PDGFC: variants seen among roughly 807,000 people sequenced by gnomAD.
PDGFC encodes platelet-derived growth factor C.
PDGFC carries 12 observed loss-of-function variants against 35.5 expected under a neutral mutation model. The ratio of observed to expected loss-of-function variants is 0.34; its 90% CI spans 0.22 to 0.55. The LOEUF is 0.55. PDGFC is among the 20% of genes least tolerant of loss of function. The pLI, the probability that PDGFC is intolerant of heterozygous loss-of-function variation, is 0.91. For synonymous variants in PDGFC, 159 were observed against 148.8 expected (o/e 1.07, Z -0.50); for missense variants, 322 against 412.4 (o/e 0.78, Z 1.90).
intron 1 of PDGFC, among the ~76,000 whole-genome samples, chr4:156,857,490 A>C (rs1457491892): frequency 2.6e-5 from 4 of 152,108 alleles, no homozygotes; most frequent in Non-Finnish European, 4.4e-5. Flanking sequence ...AACACTTTGA[A>C]GTTCTCATGA....
chr4:156,871,585 T>C (rs1030116230), intron 1 of PDGFC, among the ~76,000 whole-genome samples: 12 of 152,134 alleles, frequency 7.9e-5, no homozygotes, highest in African/African-American at 2.9e-4. Context: ...TTTTTATACA[T>C]AAACTAAATA....
chr4:156,936,402 AAAG>A (rs1219117576), intron 1 of PDGFC, among the ~76,000 whole-genome samples: 1 of 152,162 alleles, frequency 6.6e-6, no homozygotes, highest in Non-Finnish European at 1.5e-5. Flanking sequence ...ATTCCTAACC[AAAG>A]GAGAGGGAAG....
intron 1 of PDGFC, among the ~76,000 whole-genome samples, chr4:156,941,557 T>G (rs992447605): frequency 6.6e-6 from 1 of 152,206 alleles, no homozygotes; most frequent in East Asian, 1.9e-4. Context: ...AATAATGTTA[T>G]TGTAATCAAT....
At chr4:156,873,862 G>A (rs1389187819) in intron 1 of PDGFC, 4 of 152,198 alleles carry the variant, frequency 2.6e-5, no homozygotes, top group African/African-American at 9.6e-5. Context: ...TCAGCTTTGA[G>A]TAAATGACAG....
At chr4:156,962,041 C>T (rs1560892613) in intron 1 of PDGFC, among the ~76,000 whole-genome samples, 2 of 152,090 alleles carry the variant, frequency 1.3e-5, no homozygotes, top group East Asian at 1.9e-4. Context: ...TCACTGCCTG[C>T]CTGCTGAGAA....
At chr4:156,800,613 G>GT (rs1303295381) in intron 3 of PDGFC, among the ~76,000 whole-genome samples, 1 of 152,108 alleles carries the variant, frequency 6.6e-6, no homozygotes, top group Non-Finnish European at 1.5e-5. Flanking sequence ...GGATCATATG[G>GT]TAAGTCATTT....
At chr4:156,798,220 A>C (rs1731503319) in intron 3 of PDGFC, among the ~76,000 whole-genome samples, 2 of 152,190 alleles carry the variant, frequency 1.3e-5, no homozygotes, top group Admixed American at 1.3e-4. Flanking sequence ...AACAAAAACA[A>C]AACAACAACA....
intron 1 of PDGFC, among the ~76,000 whole-genome samples, chr4:156,864,494 G>A (rs1729788014): frequency 6.6e-6 from 1 of 151,990 alleles, no homozygotes. Context: ...CATTTTCTTG[G>A]CTTGACTTGG....
intron 1 of PDGFC, among the ~76,000 whole-genome samples, chr4:156,859,642 A>T (rs2111109151): frequency 1.3e-5 from 2 of 152,082 alleles, no homozygotes; most frequent in South Asian, 4.1e-4. Context: ...TTACCTCCCT[A>T]CCCCACACTC....
At chr4:156,913,586 CTT>C (rs776681511) in intron 1 of PDGFC, among the ~76,000 whole-genome samples, 58 of 152,316 alleles carry the variant, frequency 3.8e-4, no homozygotes, top group Admixed American at 1.7e-3. Context: ...CCCTCCCTCT[CTT>C]GAGGCTTCGC....
chr4:156,847,073 G>A (rs1201904564), intron 2 of PDGFC, among the ~76,000 whole-genome samples: 2 of 151,404 alleles, frequency 1.3e-5, no homozygotes, highest in Non-Finnish European at 3.0e-5. Context: ...AAAAAAGGAA[G>A]GACAGACAAA....
At chr4:156,855,318 CGAG>C (rs1212397866) in intron 1 of PDGFC, among the ~76,000 whole-genome samples, 1 of 152,112 alleles carries the variant, frequency 6.6e-6, no homozygotes, top group Non-Finnish European at 1.5e-5. Flanking sequence ...ATAACACTAA[CGAG>C]GAAGTTTCTG....
chr4:156,798,827 C>G (rs1731518555), intron 3 of PDGFC, among the ~76,000 whole-genome samples: 1 of 152,134 alleles, frequency 6.6e-6, no homozygotes, highest in Non-Finnish European at 1.5e-5. Context: ...TTGTACCCAG[C>G]AGAAAAGTGC....
intron 1 of PDGFC, among the ~76,000 whole-genome samples, chr4:156,898,925 G>A (rs1730698817): frequency 6.6e-6 from 1 of 152,200 alleles, no homozygotes; most frequent in Non-Finnish European, 1.5e-5. Context: ...CCAGTGTGCT[G>A]GGATTACAGG....
In PDGFC at chr4:156,776,397, C is replaced by T. The variant is rs1730830331; in HGVS notation, c.496-3504G>A. ...TTTTAAGCTATAGGTTGTGCTAAGA[C>T]AATTTAGTGGATAGCAATGGACACA... On this transcript the variant is annotated intron_variant, in intron 3 of 5. Transcript: ENST00000502773. 2.0e-5 allele frequency among the ~76,000 whole-genome samples: 3 copies of T among 152,100 alleles called. No individual in the cohort carries two copies. In the South Asian group the frequency reaches 6.2e-4, roughly 32 times the overall value.
intron 2 of PDGFC, among the ~76,000 whole-genome samples, chr4:156,824,667 C>T (rs1732392376): frequency 6.6e-6 from 1 of 151,466 alleles, no homozygotes; most frequent in African/African-American, 2.4e-5. Context: ...TGTAGATAAG[C>T]ACTTTTACGG....
chr4:156,956,333 C>CGAT lies in PDGFC; in HGVS notation c.118+14450_118+14452dup, dbSNP rs574764443. Among the ~76,000 whole-genome samples the CGAT allele has an allele frequency of 6.6e-5, 10 of 151,996 alleles. No homozygotes were observed. The East Asian group carries it at 1.6e-3, about 24-fold the overall frequency. ...CTTACTCAAAGTTTGGTCCTCAGTC[C>CGAT]GATGGCATTAGCATCACCTGTGAGG... On this transcript the variant is annotated intron_variant, in intron 1 of 5. Transcript: ENST00000502773.
chr4:156,828,163 G>C (rs774566654), intron 2 of PDGFC, among the ~76,000 whole-genome samples: 1 of 152,166 alleles, frequency 6.6e-6, no homozygotes, highest in Non-Finnish European at 1.5e-5. Flanking sequence ...GGAGATCTCT[G>C]ACTACTGCAG....
chr4:156,782,070 T>A (rs1486829101), intron 3 of PDGFC, among the ~76,000 whole-genome samples: 1 of 152,114 alleles, frequency 6.6e-6, no homozygotes, highest in Non-Finnish European at 1.5e-5. Flanking sequence ...ATGTGGCAAA[T>A]CAGAGCTTGT....
Sources: gnomAD v4.1 joint callset for allele counts (sites outside exome capture counted in the v4.1 genomes callset) on GRCh38, gnomAD v4.1.1 for gene constraint, MANE v1.5 for transcripts, NCBI Gene and HGNC (gene_info 2026-07-23, HGNC 2026-07-21) for gene names.